RBM46: variants seen among roughly 807,000 people sequenced by gnomAD.
The protein encoded by RBM46 is probable RNA-binding protein 46.
A neutral mutation model predicts 43.3 loss-of-function variants in RBM46; 12 were observed. That is an observed-to-expected ratio of 0.28 (90% CI 0.18 to 0.45). The LOEUF is 0.45. Among genes scored for constraint, RBM46 ranks in the 20% least tolerant of loss-of-function variants. The probability of loss-of-function intolerance (pLI) is 1.00; values close to 1 mark genes in which losing one functional copy is unlikely to be tolerated. For missense variants in RBM46, 412 were observed against 639.1 expected (o/e 0.64, Z 3.83); for synonymous variants, 205 against 207.6 (o/e 0.99, Z 0.11).
At chr4:154,820,475 T>C (rs1735672864) in intron 4 of RBM46, 1 of 1,033,610 alleles carries the variant, frequency 9.7e-7, no homozygotes, top group East Asian at 2.8e-5. Context: ...ATATATTTAA[T>C]TGTCAGAAAA....
At chr4:154,810,909 T>G (rs1029090979) in intron 4 of RBM46, among the ~76,000 whole-genome samples, 3 of 152,224 alleles carry the variant, frequency 2.0e-5, no homozygotes, top group African/African-American at 7.2e-5. Flanking sequence ...TTGCTTACTA[T>G]TCATTCCTTT....
chr4:154,825,773 T>C (rs1735929553), intron 4 of RBM46, among the ~76,000 whole-genome samples: 1 of 152,208 alleles, frequency 6.6e-6, no homozygotes, highest in South Asian at 2.1e-4. Flanking sequence ...GAAGATAACC[T>C]TCTGTGTTCA....
At chr4:154,815,360 G>T (rs1364748925) in intron 4 of RBM46, among the ~76,000 whole-genome samples, 1 of 151,980 alleles carries the variant, frequency 6.6e-6, no homozygotes, top group Non-Finnish European at 1.5e-5. Flanking sequence ...GGTGGGTCAT[G>T]TTTTTTAAAC....
At chr4:154,816,995 T>A (rs907852051) in intron 4 of RBM46, among the ~76,000 whole-genome samples, 11 of 152,312 alleles carry the variant, frequency 7.2e-5, no homozygotes, top group African/African-American at 2.6e-4. Flanking sequence ...GTTACATGAA[T>A]CTTATTTCCG....
chr4:154,787,680 A>T (rs1260541804), intron 1 of RBM46, among the ~76,000 whole-genome samples: 1 of 152,108 alleles, frequency 6.6e-6, no homozygotes, highest in Non-Finnish European at 1.5e-5. Flanking sequence ...ATGATTTATA[A>T]TCCTTTGGGT....
At chr4:154,799,659 G>T in intron 4 of RBM46, 95 bp downstream of exon 4, 1 of 810,980 alleles carries the variant, frequency 1.2e-6, no homozygotes, top group East Asian at 2.9e-5. Flanking sequence ...CAACATTAGT[G>T]GTAAGTATGT....
At chr4:154,818,743 T>G (rs2111202707) in intron 4 of RBM46, among the ~76,000 whole-genome samples, 1 of 152,262 alleles carries the variant, frequency 6.6e-6, no homozygotes, top group East Asian at 1.9e-4. Flanking sequence ...ACCTGTGTAT[T>G]GATTATATTT....
intron 4 of RBM46, chr4:154,820,396 G>A: frequency 6.6e-7 from 1 of 1,524,928 alleles, no homozygotes; most frequent in Non-Finnish European, 8.8e-7. Context: ...CTGGACCTGT[G>A]TAGAAGAATT....
At chr4:154,826,727 T>G in intron 4 of RBM46, 3 of 1,226,896 alleles carry the variant, frequency 2.4e-6, no homozygotes, top group Non-Finnish European at 3.4e-6. Context: ...ATTTAACTGA[T>G]TTTCATTTTT....
At chr4:154,825,742 T>C (rs156561) in intron 4 of RBM46, among the ~76,000 whole-genome samples, 86,958 of 152,052 alleles carry the variant, frequency 0.57, 27,375 homozygotes, top group African/African-American at 0.82. Flanking sequence ...CTTGGCTATC[T>C]GCTTTCTGAA....
At chr4:154,810,894 C>A (rs144471904) in intron 4 of RBM46, among the ~76,000 whole-genome samples, 19 of 152,238 alleles carry the variant, frequency 1.2e-4, no homozygotes, top group African/African-American at 4.3e-4. Context: ...GTAAGAATAT[C>A]CCTTTTGCTT....
At chr4:154,790,587 C>T (rs1734035427) in intron 1 of RBM46, 1 of 151,858 alleles carries the variant, frequency 6.6e-6, no homozygotes, top group Non-Finnish European at 1.5e-5. Flanking sequence ...TTATCAGGGC[C>T]CAGATTGTAT....
At chr4:154,813,215 A>G (rs1210100727) in intron 4 of RBM46, among the ~76,000 whole-genome samples, 1 of 152,186 alleles carries the variant, frequency 6.6e-6, no homozygotes, top group Admixed American at 6.5e-5. Context: ...TATATGAGAT[A>G]GGAAGTTGAC....
chr4:154,793,871 T>A (rs979563239), intron 1 of RBM46, among the ~76,000 whole-genome samples: 6 of 152,186 alleles, frequency 3.9e-5, no homozygotes, highest in African/African-American at 1.4e-4. Flanking sequence ...CTTGACCTCT[T>A]AACATTTCTT....
At chr4:154,827,725 T>C in intron 4 of RBM46, 143 bp from the exon 5 acceptor site, 1 of 1,474,742 alleles carries the variant, frequency 6.8e-7, no homozygotes, top group Non-Finnish European at 9.0e-7. Flanking sequence ...GAAATAATCT[T>C]TAACCAGCAA....
Position 154,824,941 on chromosome 4 carries a change from G to T in RBM46, c.1403-2927G>T, listed in dbSNP as rs377392974. ...GGATTGGGGATATGTTTTATATCTT[G>T]TTTTGAGTATCAATTACATAGATTT... is the stretch of plus-strand genomic sequence containing the variant. On this transcript the variant is annotated intron_variant, in intron 4 of 4. Coordinates refer to ENST00000281722, the MANE Select transcript of RBM46 (RefSeq NM_144979.5). Among the ~76,000 whole-genome samples, 11 of 152,160 alleles carry T rather than the reference G, an allele frequency of 7.2e-5. No individual in the cohort carries two copies. The East Asian group carries it at 2.1e-3, about 29-fold the overall frequency.
At chr4:154,801,426 A>G (rs1188110513) in intron 4 of RBM46, among the ~76,000 whole-genome samples, 1 of 152,196 alleles carries the variant, frequency 6.6e-6, no homozygotes, top group African/African-American at 2.4e-5. Context: ...TTGATGCACA[A>G]AATAGAAGCC....
At chr4:154,790,611 T>C (rs1206265956) in intron 1 of RBM46, 1 of 152,238 alleles carries the variant, frequency 6.6e-6, no homozygotes, top group Non-Finnish European at 1.5e-5. Context: ...TGGGTAGATA[T>C]TCTATGATAT....
intron 4 of RBM46, among the ~76,000 whole-genome samples, chr4:154,815,992 C>T (rs957351738): frequency 3.9e-5 from 6 of 151,958 alleles, no homozygotes. Flanking sequence ...TGCCATTTTC[C>T]CATGACTCTG....
Sources: gnomAD v4.1 joint callset for allele counts (sites outside exome capture counted in the v4.1 genomes callset) on GRCh38, gnomAD v4.1.1 for gene constraint, MANE v1.5 for transcripts, NCBI Gene and HGNC (gene_info 2026-07-23, HGNC 2026-07-21) for gene names.